NID2: variants seen among roughly 807,000 people sequenced by gnomAD.
The protein encoded by NID2 is nidogen-2.
A neutral mutation model predicts 145.4 loss-of-function variants in NID2; 83 were observed. That is an observed-to-expected ratio of 0.57 (90% CI 0.48 to 0.69). NID2 has a LOEUF of 0.69. Ranked by LOEUF, NID2 falls within the 30% of genes least tolerant of loss-of-function variation. The probability of loss-of-function intolerance (pLI) is 0.00; values close to 1 mark genes in which losing one functional copy is unlikely to be tolerated. For synonymous variants in NID2, 739 were observed against 701.3 expected (o/e 1.05, Z -0.85); for missense variants, 1,807 against 1,765.7 (o/e 1.02, Z -0.42).
rs559498132 is a variant in NID2 at position 52,039,068 on chromosome 14, T to A, written c.2027-91A>T. 8.9e-6 allele frequency: 8 copies of A among 893,896 alleles called. No homozygotes were observed. In the Admixed American group the frequency reaches 2.3e-4, roughly 25 times the overall value. 55.4% of individuals were successfully genotyped at this position (893,896 alleles called of 1,614,324 possible). On this transcript the variant is annotated intron_variant, in intron 8 of 21. Transcript: ENST00000216286. Reference sequence around the variant, plus strand: ...TTTTCTGCAGTTTTTTTCATCTAATTCTTGGAGTGTGTTCCCTTGGGAACC... The same window carrying A: ...TTTTCTGCAGTTTTTTTCATCTAATACTTGGAGTGTGTTCCCTTGGGAACC...
At chr14:52,062,373 CA>C (rs1429973969) in intron 2 of NID2, among the ~76,000 whole-genome samples, 1 of 152,152 alleles carries the variant, frequency 6.6e-6, no homozygotes, top group Non-Finnish European at 1.5e-5. Flanking sequence ...TTTCCAAAAA[CA>C]AAAAGCAAGA....
At chr14:52,006,393 C>A in intron 20 of NID2, 144 bp downstream of exon 20, 1 of 821,764 alleles carries the variant, frequency 1.2e-6, no homozygotes, top group South Asian at 1.8e-5. Context: ...CTTGAAGGAT[C>A]TTATCTGCCA....
intron 2 of NID2, among the ~76,000 whole-genome samples, chr14:52,064,507 A>G (rs1390443518): frequency 1.3e-5 from 2 of 152,204 alleles, no homozygotes; most frequent in African/African-American, 4.8e-5. Flanking sequence ...ATGATAATCC[A>G]GTAATCCATG....
At chr14:52,008,265 T>C (rs898040075) in intron 18 of NID2, 6 of 257,806 alleles carry the variant, frequency 2.3e-5, no homozygotes, top group African/African-American at 1.1e-4. Flanking sequence ...AAGGGGAACA[T>C]GTGCCAAGGA....
chr14:52,031,444 T>C (rs1326206923), intron 9 of NID2, among the ~76,000 whole-genome samples: 1 of 152,136 alleles, frequency 6.6e-6, no homozygotes. Flanking sequence ...TAGAATTAAC[T>C]CTAATCTTAG....
At position 52,042,302 on chromosome 14, in the gene NID2, C is replaced by T. The variant is rs753827206; in HGVS notation, c.1628G>A (p.Gly543Asp). The change falls in exon 7 of 22, where the codon GGC becomes GAC. Residue 543 changes from glycine to aspartate, a missense_variant. By Grantham distance (94) the Gly-to-Asp change is moderately conservative. Coordinates refer to ENST00000216286, the MANE Select transcript of NID2 (RefSeq NM_007361.4). ...NGKVSGHLHVGHTPVHFTDVD... is the reference protein window; with the variant it reads ...NGKVSGHLHVDHTPVHFTDVD... ...ATCAGTGAAGTGCACGGGTGTATGG[C>T]CCACGTGGAGGTGGCCACTCACTTT... 3 of 1,613,770 alleles carry T rather than the reference C, an allele frequency of 1.9e-6. No homozygotes were observed. In the South Asian group the frequency reaches 3.3e-5, roughly 18 times the overall value.
At chr14:52,007,747 C>CTGTT in intron 19 of NID2, 63 bp downstream of exon 19, 1 of 1,381,754 alleles carries the variant, frequency 7.2e-7, no homozygotes, top group Non-Finnish European at 1.0e-6. Context: ...GTAGTAAAAT[C>CTGTT]TGTTAGTGCT....
At chr14:52,042,673 A>T (rs1202580051) in intron 6 of NID2, 109 bp downstream of exon 6, 2 of 1,149,294 alleles carry the variant, frequency 1.7e-6, no homozygotes, top group Non-Finnish European at 1.3e-6. Context: ...TAGCACTCTG[A>T]TTTAAGTAGT....
Position 52,027,292 on chromosome 14 carries a change from A to G in NID2, c.2583T>C (p.Pro861=). ...PCEDGSHTCA[P]AGQARCVHHG... is the part of the protein sequence containing the mutation. ...GGTGAACACACCGGGCCTGCCCAGC[A>G]GGAGCACAGGTATGACTGCCATCCT... Residue 861 remains proline, a synonymous_variant, in exon 12 of 22, where the codon CCT becomes CCC. Coordinates refer to ENST00000216286, the MANE Select transcript of NID2 (RefSeq NM_007361.4). 6.3e-7 allele frequency: 1 copy of G among 1,596,090 alleles called. No individual in the cohort carries two copies.
intron 16 of NID2, among the ~76,000 whole-genome samples, chr14:52,012,720 T>A (rs1891078164): frequency 6.6e-6 from 1 of 151,886 alleles, no homozygotes; most frequent in Non-Finnish European, 1.5e-5. Context: ...TTTAAAAAAA[T>A]AATAAAAATA....
At chr14:52,033,704 CTTTT>C (rs1196386896) in intron 9 of NID2, among the ~76,000 whole-genome samples, 1 of 152,158 alleles carries the variant, frequency 6.6e-6, no homozygotes, top group African/African-American at 2.4e-5. Context: ...TTGGGTGTTT[CTTTT>C]TTGTTTTTCT....
intron 1 of NID2, among the ~76,000 whole-genome samples, 177 bp downstream of exon 1, chr14:52,068,590 G>A (rs1893308655): frequency 6.6e-6 from 1 of 152,222 alleles, no homozygotes; most frequent in Non-Finnish European, 1.5e-5. Context: ...GGTCATTCTT[G>A]CTCCCCTACA....
At chr14:52,022,335 C>G (rs1418759961) in intron 12 of NID2, among the ~76,000 whole-genome samples, 1 of 152,194 alleles carries the variant, frequency 6.6e-6, no homozygotes, top group African/African-American at 2.4e-5. Flanking sequence ...GAAGATATCA[C>G]AAGTGAGAAA....
At chr14:52,030,600 AAGAAAG>A (rs1161965410) in intron 9 of NID2, among the ~76,000 whole-genome samples, 1 of 82,226 alleles carries the variant, frequency 1.2e-5, no homozygotes, top group Non-Finnish European at 2.5e-5. Context: ...GAAAGAAAGA[AAGAAAG>A]AGAAAGAAAA....
chr14:52,027,633 TACACACACACACACACACACACAC>T (rs59049676), intron 11 of NID2, among the ~76,000 whole-genome samples: 1 of 144,162 alleles, frequency 6.9e-6, no homozygotes, highest in Non-Finnish European at 1.5e-5. Context: ...GAGCAATTGC[TACACACACACACACACACACACAC>T]ACACACACAC....
Position 52,015,247 on chromosome 14 carries a change from A to G in NID2, c.3057T>C (p.Cys1019=), listed in dbSNP as rs1254179700. The change falls in exon 15 of 22, where the codon TGT becomes TGC. Residue 1019 remains cysteine, a synonymous_variant. Coordinates refer to ENST00000216286, the MANE Select transcript of NID2 (RefSeq NM_007361.4). ...CCAGCAGGTTTTCCCTCCAGCGCTC[A>G]CAGATGGTCGGGGGCCTCTGGGTGG... ...PEPTQRPPTI[C]ERWRENLLEH... 1 of 1,612,592 alleles carries G rather than the reference A, an allele frequency of 6.2e-7. No individual in the cohort carries two copies. The highest frequency in any genetic ancestry group is 8.5e-7 in the Non-Finnish European group (1 of 1,178,864).
intron 13 of NID2, 22 bp downstream of exon 13, chr14:52,020,037 A>G (rs1383513545): frequency 2.5e-6 from 4 of 1,613,010 alleles, no homozygotes; most frequent in East Asian, 2.2e-5. Context: ...TCATGTGCCT[A>G]ATCTGGCCCT....
At chr14:52,026,941 G>A (rs923774277) in intron 12 of NID2, among the ~76,000 whole-genome samples, 3 of 152,208 alleles carry the variant, frequency 2.0e-5, no homozygotes, top group Non-Finnish European at 4.4e-5. Flanking sequence ...TGGCTCCAAG[G>A]AACCAAGGTT....
At chr14:52,045,931 T>G (rs531726047) in intron 5 of NID2, among the ~76,000 whole-genome samples, 252 of 152,240 alleles carry the variant, frequency 1.7e-3, no homozygotes, top group African/African-American at 5.8e-3. Context: ...CTAAAATAAG[T>G]AGAACACCTC....
Sources: gnomAD v4.1 joint callset for allele counts (sites outside exome capture counted in the v4.1 genomes callset) on GRCh38, gnomAD v4.1.1 for gene constraint, MANE v1.5 for transcripts, NCBI Gene and HGNC (gene_info 2026-07-23, HGNC 2026-07-21) for gene names.